The following PDE4D variants were observed in gnomAD, a reference collection of about 807,000 sequenced individuals.
PDE4D encodes the protein phosphodiesterase 4D.
In PDE4D, 24 loss-of-function variants were observed where a neutral mutation model predicts 87.4. That is an observed-to-expected ratio of 0.27 (90% CI 0.20 to 0.39). PDE4D has a LOEUF of 0.39. Among genes scored for constraint, PDE4D ranks in the 10% least tolerant of loss-of-function variants. PDE4D has a pLI of 1.00. For synonymous variants in PDE4D, 384 were observed against 383.2 expected, an observed-to-expected ratio of 1.00 and a Z score of -0.02; for missense variants, 714 against 1,041.0, an observed-to-expected ratio of 0.69 and a Z score of 4.32.
chr5:59,263,943 T>G (rs1359150357), intron 1 of PDE4D, among the ~76,000 whole-genome samples: 2 of 152,032 alleles, frequency 1.3e-5, no homozygotes, highest in Non-Finnish European at 2.9e-5. Context: ...TTTTCTTCTT[T>G]GCATTTGCAA....
intron 2 of PDE4D, among the ~76,000 whole-genome samples, chr5:60,065,270 C>T (rs946486728): frequency 1.3e-5 from 2 of 148,746 alleles, no homozygotes; most frequent in African/African-American, 2.5e-5. Context: ...GTGTGTGTGT[C>T]GTGTGTGTGT....
In PDE4D at chr5:60,431,303, C is replaced by T. The variant is rs566068758; in HGVS notation, c.-90+56639G>A. Among the ~76,000 whole-genome samples, 388 of 151,420 alleles carry T rather than the reference C, an allele frequency of 2.6e-3. 3 individuals carry two copies. The highest frequency in any genetic ancestry group is 9.1e-3 in the African/African-American group (376 of 41,232). On this transcript the variant is annotated intron_variant, in intron 1 of 16. Coordinates refer to the PDE4D transcript ENST00000502484. ...GGGCAGCTGCCGGGCGGAGGGGCTC[C>T]TCACTTCTCAGACGGGGCGGTTGCC... is the stretch of plus-strand genomic sequence containing the variant.
At chr5:59,198,680 T>C (rs1415884474) in intron 2 of PDE4D, among the ~76,000 whole-genome samples, 1 of 152,208 alleles carries the variant, frequency 6.6e-6, no homozygotes, top group Non-Finnish European at 1.5e-5. Flanking sequence ...TTGTCTTTTT[T>C]TTTCTCACAA....
chr5:60,270,609 G>T (rs1193392059), intron 1 of PDE4D, among the ~76,000 whole-genome samples: 1 of 152,028 alleles, frequency 6.6e-6, no homozygotes, highest in Non-Finnish European at 1.5e-5. Flanking sequence ...GAAAAGTCCA[G>T]AAATCAATGT....
intron 2 of PDE4D, among the ~76,000 whole-genome samples, chr5:60,046,984 A>G (rs1419460479): frequency 6.6e-6 from 1 of 152,156 alleles, no homozygotes; most frequent in Admixed American, 6.5e-5. Flanking sequence ...TCGGCTGTGA[A>G]TCCATCTGGT....
At chr5:59,019,607 A>T (rs1047195472) in intron 6 of PDE4D, among the ~76,000 whole-genome samples, 2 of 152,046 alleles carry the variant, frequency 1.3e-5, no homozygotes, top group Non-Finnish European at 2.9e-5. Context: ...GCGAATCCAC[A>T]TGAATACCCC....
chr5:60,199,740 A>G (rs1165979380), intron 1 of PDE4D, among the ~76,000 whole-genome samples: 1 of 151,722 alleles, frequency 6.6e-6, no homozygotes, highest in Non-Finnish European at 1.5e-5. Context: ...ACTTAGTATT[A>G]AAATGGTCTT....
intron 1 of PDE4D, among the ~76,000 whole-genome samples, chr5:59,343,641 G>A (rs965491464): frequency 6.6e-6 from 1 of 152,160 alleles, no homozygotes; most frequent in African/African-American, 2.4e-5. Flanking sequence ...GCTATTCTTT[G>A]ATATTTCCTG....
At chr5:59,060,885 G>A (rs1763020709) in intron 5 of PDE4D, among the ~76,000 whole-genome samples, 1 of 152,106 alleles carries the variant, frequency 6.6e-6, no homozygotes, top group Non-Finnish European at 1.5e-5. Flanking sequence ...TGCCCTACTT[G>A]GAAATCATTC....
At chr5:60,320,122 G>A (rs943967505) in intron 1 of PDE4D, among the ~76,000 whole-genome samples, 1 of 152,214 alleles carries the variant, frequency 6.6e-6, no homozygotes, top group Non-Finnish European at 1.5e-5. Flanking sequence ...AGCTGTAGTG[G>A]GCTCCACCCA....
At chr5:59,059,204 G>A (rs1349788110) in intron 5 of PDE4D, among the ~76,000 whole-genome samples, 2 of 152,030 alleles carry the variant, frequency 1.3e-5, no homozygotes, top group Non-Finnish European at 2.9e-5. Context: ...TCATGTTTTG[G>A]TGCTTCCATA....
intron 1 of PDE4D, among the ~76,000 whole-genome samples, chr5:59,493,698 G>A (rs1465210006): frequency 1.3e-5 from 2 of 152,218 alleles, no homozygotes; most frequent in African/African-American, 4.8e-5. Context: ...ATGTTTTAAT[G>A]TATAGGTAAA....
chr5:60,045,503 ATTTAAG>A (rs1227901864), intron 2 of PDE4D, among the ~76,000 whole-genome samples: 1 of 152,122 alleles, frequency 6.6e-6, no homozygotes, highest in East Asian at 1.9e-4. Flanking sequence ...TAGGTCTAAC[ATTTAAG>A]TCTTTAATCC....
chr5:60,087,556 T>C (rs1486915488), intron 2 of PDE4D, among the ~76,000 whole-genome samples: 3 of 151,798 alleles, frequency 2.0e-5, no homozygotes, highest in Admixed American at 2.0e-4. Flanking sequence ...ATAAAAACAA[T>C]TTTAAGAGAG....
intron 1 of PDE4D, chr5:59,430,178 T>C: frequency 3.1e-6 from 3 of 968,694 alleles, no homozygotes; most frequent in Non-Finnish European, 4.0e-6. Context: ...GTGTGTTGAA[T>C]AAAAACTAAC....
At chr5:59,787,663 T>C (rs1765318651) in intron 1 of PDE4D, among the ~76,000 whole-genome samples, 2 of 152,218 alleles carry the variant, frequency 1.3e-5, no homozygotes, top group Admixed American at 1.3e-4. Context: ...TTTTTATGAT[T>C]TATTTTTAAT....
chr5:59,033,003 ATCACTGGT>A (rs1460182032), intron 6 of PDE4D, among the ~76,000 whole-genome samples: 2 of 152,250 alleles, frequency 1.3e-5, no homozygotes, highest in African/African-American at 4.8e-5. Flanking sequence ...TGCTGTAAGT[ATCACTGGT>A]GCCTACTCCA....
chr5:59,325,643 T>C lies in PDE4D; in HGVS notation c.456-109675A>G, dbSNP rs186634461. Among the ~76,000 whole-genome samples the C allele has an allele frequency of 3.6e-3, 550 of 152,310 alleles. 4 individuals carry two copies. Among genetic ancestry groups the C allele is most frequent in the African/African-American group, 0.013 (522 of 41,570 alleles). On this transcript the variant is annotated intron_variant, in intron 1 of 14. Transcript: ENST00000340635. ...ATAGTGCTGCAAATGGAACTTATTG[T>C]ATACTTATAGTTACTTGTAAAATGA...
At chr5:59,613,026 C>T (rs1401712587) in intron 1 of PDE4D, among the ~76,000 whole-genome samples, 1 of 152,164 alleles carries the variant, frequency 6.6e-6, no homozygotes, top group African/African-American at 2.4e-5. Flanking sequence ...GCCACCTAGA[C>T]TGGAGCAGCC....
Sources: allele counts gnomAD v4.1 joint callset (sites outside exome capture counted in the v4.1 genomes callset), GRCh38; gene constraint gnomAD v4.1.1; transcripts MANE v1.5; gene names NCBI Gene and HGNC (gene_info 2026-07-23, HGNC 2026-07-21).